Variants in COL25A1 observed in about 807,000 individuals in gnomAD.
COL25A1 encodes the protein collagen type XXV alpha 1 chain, also known as collagen alpha-1(XXV) chain.
Under a neutral mutation model 128.4 loss-of-function variants are expected in COL25A1, and 103 were observed. The observed-to-expected ratio is 0.80, with a 90% confidence interval of 0.68 to 0.94. The LOEUF (loss-of-function observed/expected upper bound fraction) is 0.94, where lower values mean the gene tolerates loss of function less well. Among genes scored for constraint, COL25A1 ranks in the 40% least tolerant of loss-of-function variants. COL25A1 has a pLI of 0.00. For missense variants in COL25A1, 745 were observed against 840.0 expected (o/e 0.89, Z 1.40); for synonymous variants, 279 against 277.2 (o/e 1.01, Z -0.06).
At chr4:109,123,529 T>G (rs1029697457) in intron 3 of COL25A1, among the ~76,000 whole-genome samples, 7 of 151,926 alleles carry the variant, frequency 4.6e-5, no homozygotes, top group African/African-American at 1.7e-4. Context: ...AAATAGAGTT[T>G]AGGTAAATTA....
intron 3 of COL25A1, among the ~76,000 whole-genome samples, chr4:109,072,110 G>A (rs1763020409): frequency 1.3e-5 from 2 of 152,064 alleles, no homozygotes; most frequent in African/African-American, 2.4e-5. Flanking sequence ...TACAACTCCT[G>A]GGCTAAGAGG....
At chr4:108,856,177 G>A (rs1048124644) in intron 24 of COL25A1, among the ~76,000 whole-genome samples, 2 of 152,148 alleles carry the variant, frequency 1.3e-5, no homozygotes, top group Admixed American at 6.5e-5. Context: ...ACTCGCCCAC[G>A]ATTCATACTA....
chr4:109,209,869 A>G (rs534677523), intron 3 of COL25A1, among the ~76,000 whole-genome samples: 4 of 152,152 alleles, frequency 2.6e-5, no homozygotes, highest in African/African-American at 9.6e-5. Context: ...CCTGGCCAAC[A>G]TGGTGAAAAC....
intron 6 of COL25A1, among the ~76,000 whole-genome samples, chr4:108,988,908 A>G (rs1753913333): frequency 1.3e-5 from 2 of 151,512 alleles, no homozygotes; most frequent in Admixed American, 6.6e-5. Flanking sequence ...CCCTACCCTC[A>G]TTTCTGTCTT....
intron 11 of COL25A1, among the ~76,000 whole-genome samples, chr4:108,932,959 T>G (rs933262973): frequency 2.0e-5 from 3 of 152,164 alleles, no homozygotes; most frequent in Admixed American, 1.3e-4. Flanking sequence ...TTTATTTAAG[T>G]GCAAAATCTG....
At chr4:108,935,744 A>G (rs1187855076) in intron 11 of COL25A1, among the ~76,000 whole-genome samples, 1 of 152,224 alleles carries the variant, frequency 6.6e-6, no homozygotes, top group East Asian at 1.9e-4. Context: ...GTATTTAACT[A>G]TGTCAAACTG....
rs1376179526 is a variant in COL25A1 at position 108,844,574 on chromosome 4, A to G, written c.1579-5T>C. On this transcript the variant is annotated splice_region_variant and splice_polypyrimidine_tract_variant and intron_variant, in intron 29 of 37. Coordinates refer to ENST00000399132, the MANE Select transcript of COL25A1 (RefSeq NM_198721.4). ...TGGGCCTGGTGGGCCTATGATCTGT[A>G]TGTCCAAAAAATAAAAATGTATTTG... The G allele has an allele frequency of 1.9e-6, 3 of 1,607,442 alleles. No homozygotes were observed. Among genetic ancestry groups the G allele is most frequent in the South Asian group, 1.1e-5 (1 of 89,874 alleles).
intron 5 of COL25A1, among the ~76,000 whole-genome samples, chr4:109,037,126 T>C (rs1759431979): frequency 6.6e-6 from 1 of 152,210 alleles, no homozygotes; most frequent in Non-Finnish European, 1.5e-5. Flanking sequence ...AACATAGATG[T>C]AGCTAACAAA....
chr4:109,172,537 G>GATAATCCATCTTGATT (rs983578186), intron 3 of COL25A1, among the ~76,000 whole-genome samples: 144 of 152,174 alleles, frequency 9.5e-4, no homozygotes, highest in African/African-American at 2.4e-3. Flanking sequence ...CCTGTAGGAC[G>GATAATCCATCTTGATT]ATAATCCATC....
At chr4:109,148,207 A>T (rs1771138196) in intron 3 of COL25A1, among the ~76,000 whole-genome samples, 1 of 152,226 alleles carries the variant, frequency 6.6e-6, no homozygotes, top group Admixed American at 6.5e-5. Context: ...TAGTCATAGC[A>T]TCTAGAACTT....
intron 3 of COL25A1, among the ~76,000 whole-genome samples, chr4:109,061,671 T>C (rs1761985119): frequency 6.6e-6 from 1 of 152,140 alleles, no homozygotes; most frequent in Non-Finnish European, 1.5e-5. Context: ...CAAATCCCAT[T>C]TGGCCATTTA....
chr4:109,134,560 G>A (rs1769525621), intron 3 of COL25A1, among the ~76,000 whole-genome samples: 1 of 152,084 alleles, frequency 6.6e-6, no homozygotes, highest in Non-Finnish European at 1.5e-5. Flanking sequence ...AACCCATTAT[G>A]ATATCTATAA....
intron 5 of COL25A1, among the ~76,000 whole-genome samples, chr4:109,034,741 C>T (rs1759181392): frequency 6.6e-6 from 1 of 152,180 alleles, no homozygotes; most frequent in South Asian, 2.1e-4. Context: ...GTTTCAGCTA[C>T]AAGACAATTC....
chr4:108,997,406 C>T (rs1012682852), intron 6 of COL25A1, among the ~76,000 whole-genome samples: 2 of 152,104 alleles, frequency 1.3e-5, no homozygotes, highest in Admixed American at 6.5e-5. Flanking sequence ...TACTTACAAC[C>T]TCCCAAAACT....
At chr4:109,295,594 A>AT (rs1396879348) in intron 3 of COL25A1, among the ~76,000 whole-genome samples, 2 of 152,120 alleles carry the variant, frequency 1.3e-5, no homozygotes, top group Admixed American at 6.6e-5. Flanking sequence ...AACATATAGC[A>AT]TAAGTGAAAA....
intron 3 of COL25A1, among the ~76,000 whole-genome samples, chr4:109,182,100 T>C (rs1200792948): frequency 6.6e-6 from 1 of 152,156 alleles, no homozygotes; most frequent in African/African-American, 2.4e-5. Context: ...AGTTATCCAT[T>C]GACAGACACT....
intron 8 of COL25A1, among the ~76,000 whole-genome samples, chr4:108,966,708 G>C (rs1181890664): frequency 6.6e-6 from 1 of 151,856 alleles, no homozygotes; most frequent in Non-Finnish European, 1.5e-5. Flanking sequence ...AAAAATAGCT[G>C]GGCATGGTAG....
chr4:109,295,041 A>C (rs1328496194), intron 3 of COL25A1, among the ~76,000 whole-genome samples: 1 of 152,112 alleles, frequency 6.6e-6, no homozygotes, highest in African/African-American at 2.4e-5. Context: ...TATGGCCCTG[A>C]GAGGCTTCTT....
chr4:109,166,391 TTTATG>T (rs1351625567), intron 3 of COL25A1, among the ~76,000 whole-genome samples: 1 of 152,174 alleles, frequency 6.6e-6, no homozygotes, highest in Non-Finnish European at 1.5e-5. Context: ...CTTTCCTTCT[TTTATG>T]TCCTCAACCA....
Sources: allele counts gnomAD v4.1 joint callset (sites outside exome capture counted in the v4.1 genomes callset), GRCh38; gene constraint gnomAD v4.1.1; transcripts MANE v1.5; gene names NCBI Gene and HGNC (gene_info 2026-07-23, HGNC 2026-07-21).